The following FLII variants were observed in gnomAD, a reference collection of about 807,000 sequenced individuals.
FLII encodes FLII actin remodeling protein, also known as protein flightless-1 homolog.
A neutral mutation model predicts 156.2 loss-of-function variants in FLII; 101 were observed. The ratio of observed to expected loss-of-function variants is 0.65; its 90% CI spans 0.55 to 0.76. The LOEUF (loss-of-function observed/expected upper bound fraction) is 0.76. FLII is among the 30% of genes least tolerant of loss of function. The probability of loss-of-function intolerance (pLI) is 0.00; values close to 1 mark genes in which losing one functional copy is unlikely to be tolerated. For missense variants in FLII, 1,675 were observed against 1,682.8 expected, an observed-to-expected ratio of 1.00 and a Z score of 0.08; for synonymous variants, 767 against 685.8, an observed-to-expected ratio of 1.12 and a Z score of -1.85.
chr17:18,247,852 C>T lies in FLII; in HGVS notation c.2296-4G>A, dbSNP rs1158620727. 12 of 1,613,780 alleles carry T rather than the reference C, an allele frequency of 7.4e-6. No homozygotes were observed. Among genetic ancestry groups the T allele is most frequent in the Admixed American group, 1.7e-5 (1 of 59,970 alleles). On this transcript the variant is annotated splice_region_variant and splice_polypyrimidine_tract_variant and intron_variant, in intron 19 of 29. Coordinates refer to ENST00000327031, the MANE Select transcript of FLII (RefSeq NM_002018.4). ...GCGTGTCCAGCAGACTCTGCAGCTG[C>T]GGACCGGGAGTCTGGAGGTCAAAGC... is the stretch of plus-strand genomic sequence containing the variant.
intron 1 of FLII, chr17:18,257,340 C>T (rs1490469892): frequency 2.2e-5 from 7 of 323,842 alleles, no homozygotes; most frequent in Non-Finnish European, 4.0e-5. Flanking sequence ...ATTCCTTCAC[C>T]TAGCATTCCA....
intron 3 of FLII, among the ~76,000 whole-genome samples, chr17:18,255,888 G>A (rs916341342): frequency 1.3e-5 from 2 of 152,188 alleles, no homozygotes; most frequent in East Asian, 1.9e-4. Context: ...AGGTAGAAGC[G>A]ATTTGTACAA....
At chr17:18,250,107 C>T (rs758903117) in intron 14 of FLII, among the ~76,000 whole-genome samples, 43 of 152,302 alleles carry the variant, frequency 2.8e-4, no homozygotes, top group Non-Finnish European at 2.6e-4. Context: ...GGCAACAAAG[C>T]GAGAGTCTGT....
At position 18,248,040 on chromosome 17, in the gene FLII, G is replaced by A; in HGVS notation, c.2191-7C>T. 1 of 1,597,782 alleles carries A rather than the reference G, an allele frequency of 6.3e-7. No individual in the cohort carries two copies. Among genetic ancestry groups the A allele is most frequent in the South Asian group, 1.1e-5 (1 of 90,678 alleles). On this transcript the variant is annotated splice_region_variant and splice_polypyrimidine_tract_variant and intron_variant, in intron 18 of 29. Transcript: ENST00000327031. ...AGCCCAAGCCCAGGCCCACCTGGCAGGAAGGATGAGCATGGCAGGGAAGGG... is the reference window on the plus strand; with the variant it reads ...AGCCCAAGCCCAGGCCCACCTGGCAAGAAGGATGAGCATGGCAGGGAAGGG...
chr17:18,252,041 G>C lies in FLII; in HGVS notation c.1204C>G (p.Leu402Val). ...IDFSLQNQLR[L>V]AGASPATVAA... ...ACGGTAGCAGGAGAGGCACCCGCTAGCCGCAGCTGGTTCTGCAGCGAGAAG... is the reference window on the plus strand; with the variant it reads ...ACGGTAGCAGGAGAGGCACCCGCTACCCGCAGCTGGTTCTGCAGCGAGAAG... The change falls in exon 11 of 30, where the codon CTA becomes GTA. Residue 402 changes from leucine (L) to valine (V), a missense_variant. By Grantham distance (32) the Leu-to-Val change is conservative (BLOSUM62 1). Coordinates refer to ENST00000327031, the MANE Select transcript of FLII (RefSeq NM_002018.4). 6.2e-7 allele frequency: 1 copy of C among 1,613,190 alleles called. No homozygotes were observed.
At chr17:18,252,326 G>A in intron 10 of FLII, 146 bp downstream of exon 10, 1 of 889,246 alleles carries the variant, frequency 1.1e-6, no homozygotes, top group Admixed American at 2.2e-5. Flanking sequence ...ATGTACTCTG[G>A]ATGCAGGGAG....
chr17:18,253,308 G>C lies in FLII; in HGVS notation c.1006C>G (p.Leu336Val). The C allele has an allele frequency of 6.2e-7, 1 of 1,613,858 alleles. No homozygotes were observed. The highest frequency in any genetic ancestry group is 8.5e-7 in the Non-Finnish European group (1 of 1,180,020). ...CCCAGCCCTGCCCAGCACCTGCAGA[G>C]ACTTTCAGGGACCAGCTCCAGGTTG... ...NNNLELVPES[L>V]CRCPKLRKLV... Residue 336 changes from leucine (L) to valine (V), a missense_variant, in exon 9 of 30, where the codon CTC becomes GTC. Physicochemically the swap from Leu to Val is conservative, Grantham distance 32. Coordinates refer to ENST00000327031, the MANE Select transcript of FLII (RefSeq NM_002018.4).
chr17:18,247,421 C>G, intron 20 of FLII, 64 bp from the exon 21 acceptor site: 1 of 1,474,950 alleles, frequency 6.8e-7, no homozygotes, highest in African/African-American at 1.4e-5. Context: ...AGGAAGTAGC[C>G]CGAGGCTTGA....
Position 18,251,302 on chromosome 17 carries a change from C to G in FLII, c.1559G>C (p.Gly520Ala). 6.2e-7 allele frequency: 1 copy of G among 1,614,002 alleles called. No individual in the cohort carries two copies. The highest frequency in any genetic ancestry group is 1.1e-5 in the South Asian group (1 of 91,088). ...GTAGCAGTCAGCCTCGTAGAACTTG[C>G]CGTGGAAGGCTTCCTCCACCAGCAC... ...VPVLVEEAFHGKFYEADCYIV... is the reference protein window; with the variant it reads ...VPVLVEEAFHAKFYEADCYIV... Residue 520 changes from glycine to alanine, a missense_variant, in exon 13 of 30, where the codon GGC becomes GCC. Coordinates refer to ENST00000327031, the MANE Select transcript of FLII (RefSeq NM_002018.4).
In FLII at chr17:18,256,526, G is replaced by A. The variant is rs554572810; in HGVS notation, c.246C>T (p.Arg82=). 7.4e-5 allele frequency: 115 copies of A among 1,551,284 alleles called. No homozygotes were observed. The highest frequency in any genetic ancestry group is 3.2e-4 in the South Asian group (27 of 84,054). The change falls in exon 3 of 30, where the codon CGC becomes CGT. Residue 82 remains arginine, a splice_region_variant and synonymous_variant. Transcript: ENST00000327031. ...HGELSSLPSL[R]AIVARANSLK... is the part of the protein sequence containing the mutation. ...CGGTGGCCTCCCGGCCAGCACTCAC[G>A]CGCAGCGATGGCAGGCTGGACAGCT...
At position 18,254,343 on chromosome 17, in the gene FLII, G is replaced by A. The variant is rs538134926; in HGVS notation, c.576-161C>T. 9.2e-5 allele frequency among the ~76,000 whole-genome samples: 14 copies of A among 152,136 alleles called. 1 individual carries two copies. Among genetic ancestry groups the A allele is most frequent in the South Asian group, 2.1e-4 (1 of 4,834 alleles). ...AAGGGTGGTTGCGGGGTGTGTAAGC[G>A]GGAAGACAGGACTGAGAGGTGGACA... On this transcript the variant is annotated intron_variant, in intron 6 of 29. Coordinates refer to ENST00000327031, the MANE Select transcript of FLII (RefSeq NM_002018.4).
chr17:18,254,246 G>T lies in FLII; in HGVS notation c.576-64C>A, dbSNP rs1278546168. On this transcript the variant is annotated intron_variant, in intron 6 of 29. Coordinates refer to ENST00000327031, the MANE Select transcript of FLII (RefSeq NM_002018.4). ...CTAGGGAGTGTTAAGGGTGGGGCTT[G>T]GCAGGGCAGGACCAAAAGCACAGGG... 8 of 1,336,378 alleles carry T rather than the reference G, an allele frequency of 6.0e-6. No homozygotes were observed. In the East Asian group the frequency reaches 1.7e-4, roughly 28 times the overall value. The allele number at this position is 1,336,378 out of a possible 1,614,324, so 82.8% of individuals were successfully genotyped here.
intron 6 of FLII, 32 bp downstream of exon 6, chr17:18,254,489 T>G (rs1470123262): frequency 6.3e-7 from 1 of 1,577,156 alleles, no homozygotes; most frequent in Admixed American, 1.8e-5. Context: ...CAGGGTGGCT[T>G]CTGCAGGAGT....
Position 18,251,410 on chromosome 17 carries a change from C to G in FLII, c.1451G>C (p.Arg484Pro). Residue 484 changes from arginine to proline, a missense_variant, in exon 13 of 30, where the codon CGC (arginine) becomes CCC (proline). Around this residue, in one of 2 missense-constraint regions of FLII, gnomAD observed 1,332 missense variants for 1,269.3 expected, o/e 1.05. Coordinates refer to ENST00000327031, the MANE Select transcript of FLII (RefSeq NM_002018.4). ...RRWDQGLEKP[R>P]LDYSEFFTED... ...CGTGAAGAACTCGGAGTAGTCAAGG[C>G]GGGGCTTCTCCAGGCCCTGGTCCCA... 1.2e-6 allele frequency: 2 copies of G among 1,613,204 alleles called. No individual in the cohort carries two copies. Among genetic ancestry groups the G allele is most frequent in the Non-Finnish European group, 1.7e-6 (2 of 1,179,922 alleles).
chr17:18,254,866 G>T lies in FLII; in HGVS notation c.328-12C>A. On this transcript the variant is annotated splice_polypyrimidine_tract_variant and intron_variant, in intron 4 of 29. Transcript: ENST00000327031. ...TTGTGGCTCAAGTCCTGGGTAGAAG[G>T]GGCAAGACCCAGGTCAGGGGAGTCT... The T allele has an allele frequency of 6.2e-7, 1 of 1,613,794 alleles. No individual in the cohort carries two copies.
rs2047983837 is a variant in FLII at position 18,245,155 on chromosome 17, A to G, written c.3793T>C (p.Cys1265Arg). The change falls in exon 30 of 30, where the codon TGC (cysteine) becomes CGC (arginine). Residue 1265 changes from cysteine to arginine, a missense_variant. Transcript: ENST00000327031. ...AGCCTGTCTTAGGCCAGGGCCTTGC[A>G]GAAGGCGCTCCAGGCGTGGAAGCAG... ...TRCFHAWSAF[C>R]KALA is the part of the protein sequence containing the mutation. 6.2e-7 allele frequency: 1 copy of G among 1,613,216 alleles called. No individual in the cohort carries two copies. Among genetic ancestry groups the G allele is most frequent in the Non-Finnish European group, 8.5e-7 (1 of 1,179,676 alleles).
chr17:18,253,839 T>C, intron 7 of FLII, 120 bp from the exon 8 acceptor site: 1 of 1,067,144 alleles, frequency 9.4e-7, no homozygotes, highest in South Asian at 1.6e-5. Flanking sequence ...AAGTGACAAC[T>C]GCTGTGCGCC....
Position 18,246,598 on chromosome 17 carries a change from A to T in FLII, c.3047T>A (p.Leu1016Gln). ...KKFESLFPGK[L>Q]EVVRMTQQQE... is the part of the protein sequence containing the mutation. ...TCGCGGGGCTGCCAGGCACACCTCC[A>T]GCTTCCCAGGGAAGAGGCTCTCGAA... is the stretch of plus-strand genomic sequence containing the variant. The change falls in exon 23 of 30, where the codon CTG becomes CAG. Residue 1016 changes from leucine to glutamine, a missense_variant. This residue lies in a region of FLII where 1,332 missense variants were observed against 1,269.3 expected (regional missense o/e 1.05). Coordinates refer to ENST00000327031, the MANE Select transcript of FLII (RefSeq NM_002018.4). 6.2e-7 allele frequency: 1 copy of T among 1,613,822 alleles called. No individual in the cohort carries two copies. The highest frequency in any genetic ancestry group is 8.5e-7 in the Non-Finnish European group (1 of 1,179,864).
intron 14 of FLII, among the ~76,000 whole-genome samples, chr17:18,249,791 A>AAAACAAAC (rs200176371): frequency 1.3e-5 from 2 of 149,288 alleles, no homozygotes; most frequent in African/African-American, 4.9e-5. Flanking sequence ...ACTCTGTCTT[A>AAAACAAAC]AAACAAACAA....
Sources: gnomAD v4.1 joint callset for allele counts (sites outside exome capture counted in the v4.1 genomes callset) on GRCh38, gnomAD v4.1.1 for gene constraint, gnomAD v4.1.1 regional missense constraint, MANE v1.5 for transcripts, NCBI Gene and HGNC (gene_info 2026-07-23, HGNC 2026-07-21) for gene names.